PAAF1: variants seen among roughly 807,000 people sequenced by gnomAD.
PAAF1 encodes proteasomal ATPase-associated factor 1.
PAAF1 carries 46 observed loss-of-function variants against 52.8 expected under a neutral mutation model. That is an observed-to-expected ratio of 0.87 (90% confidence interval 0.69 to 1.11). PAAF1 has a LOEUF of 1.11. PAAF1 is among the 50% of genes most tolerant of loss of function. The pLI is 0.00. For missense variants in PAAF1, 424 were observed against 477.4 expected, an observed-to-expected ratio of 0.89 and a Z score of 1.04; for synonymous variants, 178 against 172.8, an observed-to-expected ratio of 1.03 and a Z score of -0.24.
intron 4 of PAAF1, among the ~76,000 whole-genome samples, chr11:73,892,325 CAAAAAAAAAA>C (rs150332375): frequency 1.2e-5 from 1 of 81,810 alleles, no homozygotes; most frequent in East Asian, 4.1e-4. Context: ...ACTGTCTCAC[CAAAAAAAAAA>C]AAAAAAAGAA....
At chr11:73,906,496 C>A (rs1350106235) in intron 6 of PAAF1, among the ~76,000 whole-genome samples, 1 of 152,138 alleles carries the variant, frequency 6.6e-6, no homozygotes, top group Admixed American at 6.5e-5. Flanking sequence ...AGTGATCTGC[C>A]CGCCTCAGAC....
At chr11:73,906,743 T>C (rs1949767539) in intron 6 of PAAF1, among the ~76,000 whole-genome samples, 1 of 152,216 alleles carries the variant, frequency 6.6e-6, no homozygotes, top group Non-Finnish European at 1.5e-5. Context: ...GAGAGACATG[T>C]GGTTAATCAC....
At chr11:73,881,555 T>A (rs913643713) in intron 2 of PAAF1, among the ~76,000 whole-genome samples, 1 of 152,212 alleles carries the variant, frequency 6.6e-6, no homozygotes, top group Non-Finnish European at 1.5e-5. Flanking sequence ...CCCAAAGTGC[T>A]GGGGTTACAG....
chr11:73,899,102 T>C, intron 4 of PAAF1, 44 bp from the exon 5 acceptor site: 1 of 1,424,274 alleles, frequency 7.0e-7, no homozygotes, highest in Non-Finnish European at 9.9e-7. Context: ...GGAATAAGAG[T>C]ATTTCATTAT....
intron 3 of PAAF1, among the ~76,000 whole-genome samples, chr11:73,887,658 TC>T (rs1214328276): frequency 6.6e-6 from 1 of 152,230 alleles, no homozygotes; most frequent in Non-Finnish European, 1.5e-5. Flanking sequence ...TCCTCTTACT[TC>T]CCTTATATCA....
Position 73,930,645 on chromosome 11 carries a change from A to G in PAAF1, c.*3283A>G, listed in dbSNP as rs1670569. 0.56 allele frequency: 84,397 copies of G among 150,956 alleles called. 26,737 individuals are homozygous for G. The highest frequency in any genetic ancestry group is 0.89 in the African/African-American group (36,556 of 41,266). 9.4% of individuals were successfully genotyped at this position (150,956 alleles called of 1,614,324 possible). The stretch of plus-strand genomic sequence containing the variant: ...ACCTGTAATACCAGCTACTAAGGAG[A>G]CTGAGGCAGGAGAATTGCTTGAACC... On this transcript the variant is annotated 3_prime_UTR_variant, in exon 12 of 12. Transcript: ENST00000310571.
chr11:73,901,650 C>T (rs1006384817), intron 6 of PAAF1, among the ~76,000 whole-genome samples: 20 of 151,470 alleles, frequency 1.3e-4, no homozygotes, highest in Middle Eastern at 3.4e-3. Context: ...TCGCCTAGGC[C>T]GGAGTCCAGT....
intron 2 of PAAF1, among the ~76,000 whole-genome samples, chr11:73,884,591 G>A (rs1388800911): frequency 6.6e-6 from 1 of 152,182 alleles, no homozygotes; most frequent in Non-Finnish European, 1.5e-5. Flanking sequence ...GACTTCTTAA[G>A]GCAGTTGGTA....
intron 1 of PAAF1, 127 bp downstream of exon 1, chr11:73,877,195 G>A (rs1122373): frequency 0.083 from 82,865 of 999,944 alleles, 5,102 homozygotes; most frequent in African/African-American, 0.26. Context: ...GATATGGAGG[G>A]AACAGGGTCC....
chr11:73,898,247 AGAAGGAGAG>A (rs1949487167), intron 4 of PAAF1, among the ~76,000 whole-genome samples: 2 of 132,594 alleles, frequency 1.5e-5, no homozygotes, highest in Admixed American at 7.4e-5. Flanking sequence ...AGGGAGAGGG[AGAAGGAGAG>A]GGAGAGGGAG....
chr11:73,927,306 A>T lies in PAAF1; in HGVS notation c.1123A>T (p.Ile375Phe). The T allele has an allele frequency of 6.2e-7, 1 of 1,614,110 alleles. No homozygotes were observed. The change falls in exon 12 of 12, where the codon ATC becomes TTC. Residue 375 changes from isoleucine (I) to phenylalanine (F), a missense_variant. Physicochemically the swap from Ile to Phe is conservative, Grantham distance 21 (BLOSUM62 0). Coordinates refer to ENST00000310571, the MANE Select transcript of PAAF1 (RefSeq NM_025155.3). ...VYKVATWEKQIYTCCRDGLVR... is the reference protein window; with the variant it reads ...VYKVATWEKQFYTCCRDGLVR... ...TTAGGTAGCCACATGGGAGAAGCAG[A>T]TCTACACATGCTGTCGAGACGGTCT...
intron 6 of PAAF1, among the ~76,000 whole-genome samples, chr11:73,902,613 TAA>T (rs1381993057): frequency 1.3e-5 from 2 of 152,180 alleles, no homozygotes; most frequent in East Asian, 3.8e-4. Flanking sequence ...TACAGAATCC[TAA>T]GTCTCCCAAC....
At chr11:73,926,631 C>T (rs560103944) in intron 11 of PAAF1, among the ~76,000 whole-genome samples, 1 of 152,080 alleles carries the variant, frequency 6.6e-6, no homozygotes, top group Non-Finnish European at 1.5e-5. Flanking sequence ...ATGGCGTGAA[C>T]CCGGGAGGCG....
intron 6 of PAAF1, among the ~76,000 whole-genome samples, chr11:73,906,467 T>C (rs1591095147): frequency 6.6e-6 from 1 of 152,146 alleles, no homozygotes. Flanking sequence ...GCCAGGCTGG[T>C]CTTGAACTCC....
chr11:73,878,848 A>T, intron 2 of PAAF1, 29 bp downstream of exon 2: 2 of 1,604,708 alleles, frequency 1.2e-6, no homozygotes, highest in Non-Finnish European at 1.7e-6. Flanking sequence ...ATATGCTGTG[A>T]CTTTAAAGGA....
chr11:73,881,928 G>A (rs1399280933), intron 2 of PAAF1, among the ~76,000 whole-genome samples: 1 of 152,054 alleles, frequency 6.6e-6, no homozygotes, highest in Non-Finnish European at 1.5e-5. Flanking sequence ...AGGCTGAAGT[G>A]CAATGGTGCC....
intron 4 of PAAF1, among the ~76,000 whole-genome samples, chr11:73,894,127 T>C (rs938337884): frequency 3.3e-5 from 5 of 152,210 alleles, no homozygotes; most frequent in African/African-American, 1.2e-4. Flanking sequence ...TTTATTATTT[T>C]CTGCTTTAAC....
intron 9 of PAAF1, among the ~76,000 whole-genome samples, chr11:73,917,389 A>G (rs959577467): frequency 1.3e-5 from 2 of 152,198 alleles, no homozygotes; most frequent in Non-Finnish European, 1.5e-5. Flanking sequence ...ACCTTTCTAA[A>G]CAGGCTTTTC....
At position 73,891,139 on chromosome 11, in the gene PAAF1, GA is replaced by G; in HGVS notation, c.224del (p.Asn75MetfsTer21). 2 of 1,601,508 alleles carry G rather than the reference GA, an allele frequency of 1.2e-6. No homozygotes were observed. The highest frequency in any genetic ancestry group is 8.5e-7 in the Non-Finnish European group (1 of 1,169,828). On this transcript the variant is annotated frameshift_variant, in exon 4 of 12. Coordinates refer to ENST00000310571, the MANE Select transcript of PAAF1 (RefSeq NM_025155.3). LOFTEE classifies it high-confidence loss of function. ...AAGCATTCATATTTCATGTCCAAAG[GA>G]AAATGCATCTTCTAAGTTTTTGGCA... ...KKSIHISCPK[E>X]NASSKFLAPY...
Sources: allele counts gnomAD v4.1 joint callset (sites outside exome capture counted in the v4.1 genomes callset), GRCh38; gene constraint gnomAD v4.1.1; transcripts MANE v1.5; gene names NCBI Gene and HGNC (gene_info 2026-07-23, HGNC 2026-07-21).